MYO1D: variants seen among roughly 807,000 people sequenced by gnomAD.
MYO1D encodes the protein myosin ID, also known as unconventional myosin-Id.
Under a neutral mutation model 122.0 loss-of-function variants are expected in MYO1D, and 83 were observed. That is an observed-to-expected ratio of 0.68 (90% CI 0.57 to 0.82). MYO1D has a LOEUF of 0.82. Among genes scored for constraint, MYO1D ranks in the 40% least tolerant of loss-of-function variants. MYO1D has a pLI of 0.00. For missense variants in MYO1D, 1,157 were observed against 1,269.5 expected (o/e 0.91, Z 1.35); for synonymous variants, 464 against 446.9 (o/e 1.04, Z -0.48).
chr17:32,612,015 T>C (rs2087708318), intron 20 of MYO1D, among the ~76,000 whole-genome samples: 4 of 152,092 alleles, frequency 2.6e-5, no homozygotes, highest in Admixed American at 2.6e-4. Flanking sequence ...AAATAAAACT[T>C]GACCAATGCA....
chr17:32,496,013 C>T (rs1909091731), intron 21 of MYO1D: 1 of 152,472 alleles, frequency 6.6e-6, no homozygotes, highest in Admixed American at 6.5e-5. Context: ...TCCACACGGC[C>T]AGGGGAACGC....
chr17:32,748,103 T>C (rs1418499994), intron 12 of MYO1D, among the ~76,000 whole-genome samples: 1 of 152,226 alleles, frequency 6.6e-6, no homozygotes, highest in Non-Finnish European at 1.5e-5. Flanking sequence ...GTTAATTTGT[T>C]ACAGCAGCCC....
chr17:32,723,896 C>T (rs184328224), intron 14 of MYO1D, among the ~76,000 whole-genome samples: 1 of 152,192 alleles, frequency 6.6e-6, no homozygotes, highest in Non-Finnish European at 1.5e-5. Flanking sequence ...CACTTCTTCC[C>T]TATTCTGGAA....
chr17:32,580,599 C>T (rs570534523), intron 21 of MYO1D, among the ~76,000 whole-genome samples: 19 of 151,670 alleles, frequency 1.3e-4, no homozygotes, highest in South Asian at 4.2e-4. Flanking sequence ...TTAGTAGAGA[C>T]GGGATTTCAC....
chr17:32,704,643 A>G (rs966298252), intron 16 of MYO1D, among the ~76,000 whole-genome samples: 1 of 152,250 alleles, frequency 6.6e-6, no homozygotes, highest in African/African-American at 2.4e-5. Flanking sequence ...AGCAGCTAAC[A>G]TTCACTGAAT....
chr17:32,553,807 C>T (rs1242937931), intron 21 of MYO1D, among the ~76,000 whole-genome samples: 3 of 152,132 alleles, frequency 2.0e-5, no homozygotes, highest in South Asian at 2.1e-4. Flanking sequence ...CATTCACTCC[C>T]ACCACTTCAA....
chr17:32,736,012 CAATTATTTAG>C (rs1343004375), intron 14 of MYO1D, among the ~76,000 whole-genome samples: 1 of 151,282 alleles, frequency 6.6e-6, no homozygotes, highest in Admixed American at 6.6e-5. Flanking sequence ...TGATGAATAC[CAATTATTTAG>C]ATTTATTTCT....
intron 21 of MYO1D, among the ~76,000 whole-genome samples, chr17:32,556,551 A>T (rs1363523661): frequency 7.2e-6 from 1 of 139,582 alleles, no homozygotes; most frequent in Non-Finnish European, 1.5e-5. Flanking sequence ...TATGGCCACA[A>T]TTTTTTTTTT....
At chr17:32,844,984 GA>G (rs893478732) in intron 1 of MYO1D, among the ~76,000 whole-genome samples, 85 of 149,592 alleles carry the variant, frequency 5.7e-4, no homozygotes, top group Admixed American at 1.1e-3. Context: ...CCTTTTAAAT[GA>G]AAAAAATGCA....
At chr17:32,605,278 A>G (rs1450168662) in intron 20 of MYO1D, 37 bp from the exon 21 acceptor site, 2 of 1,516,450 alleles carry the variant, frequency 1.3e-6, no homozygotes, top group Non-Finnish European at 1.8e-6. Context: ...TATTTGGATC[A>G]TTCTCAAAAG....
intron 21 of MYO1D, among the ~76,000 whole-genome samples, chr17:32,557,828 A>G (rs2087081910): frequency 1.3e-5 from 2 of 152,084 alleles, no homozygotes; most frequent in African/African-American, 4.8e-5. Flanking sequence ...AAAATTATAT[A>G]AAATTCAAAT....
intron 21 of MYO1D, among the ~76,000 whole-genome samples, chr17:32,573,702 T>A (rs2087251482): frequency 6.6e-6 from 1 of 152,104 alleles, no homozygotes; most frequent in African/African-American, 2.4e-5. Flanking sequence ...TTATTTTTTA[T>A]TTTTTAGAGA....
intron 21 of MYO1D, among the ~76,000 whole-genome samples, chr17:32,571,778 G>A (rs1026782477): frequency 6.6e-6 from 1 of 152,028 alleles, no homozygotes; most frequent in Non-Finnish European, 1.5e-5. Context: ...TGATTTTGTC[G>A]AGGCAATTAA....
intron 1 of MYO1D, among the ~76,000 whole-genome samples, chr17:32,860,506 A>C (rs1294647494): frequency 6.6e-6 from 1 of 152,154 alleles, no homozygotes; most frequent in African/African-American, 2.4e-5. Flanking sequence ...CACCTACAAC[A>C]ATGTTATTTT....
chr17:32,659,100 G>C lies in MYO1D; in HGVS notation c.2345+15C>G. ...CCACCATAAATGGATGCAGCACACA[G>C]CAGCACGTTCTTACCTATTGAAAAT... On this transcript the variant is annotated intron_variant, in intron 17 of 21. Coordinates refer to ENST00000318217, the MANE Select transcript of MYO1D (RefSeq NM_015194.3). 6.2e-7 allele frequency: 1 copy of C among 1,608,100 alleles called. No homozygotes were observed. The highest frequency in any genetic ancestry group is 8.5e-7 in the Non-Finnish European group (1 of 1,174,754).
At chr17:32,552,407 T>C (rs2087024000) in intron 21 of MYO1D, among the ~76,000 whole-genome samples, 1 of 149,112 alleles carries the variant, frequency 6.7e-6, no homozygotes, top group Non-Finnish European at 1.5e-5. Flanking sequence ...TTGTAATCCA[T>C]CCATCCATCC....
At chr17:32,844,955 G>A (rs942774745) in intron 1 of MYO1D, among the ~76,000 whole-genome samples, 2 of 150,960 alleles carry the variant, frequency 1.3e-5, no homozygotes, top group African/African-American at 2.4e-5. Flanking sequence ...CTATTGACAC[G>A]TAAAATGTCA....
chr17:32,546,625 C>T (rs115036558), intron 21 of MYO1D, among the ~76,000 whole-genome samples: 236 of 152,324 alleles, frequency 1.5e-3, no homozygotes, highest in African/African-American at 5.1e-3. Flanking sequence ...GCATGGCTGC[C>T]AAGGATATTC....
At chr17:32,541,326 G>T (rs1233138997) in intron 21 of MYO1D, among the ~76,000 whole-genome samples, 2 of 152,158 alleles carry the variant, frequency 1.3e-5, no homozygotes, top group African/African-American at 4.8e-5. Context: ...GGAAGAAGCT[G>T]GTCACAAAGG....
Sources: allele counts gnomAD v4.1 joint callset (sites outside exome capture counted in the v4.1 genomes callset), GRCh38; gene constraint gnomAD v4.1.1; transcripts MANE v1.5; gene names NCBI Gene and HGNC (gene_info 2026-07-23, HGNC 2026-07-21).